PCDH15: variants seen among roughly 807,000 people sequenced by gnomAD.
PCDH15 encodes the protein protocadherin related 15.
PCDH15 carries 129 observed loss-of-function variants against 178.5 expected under a neutral mutation model. The ratio of observed to expected loss-of-function variants is 0.72; its 90% CI spans 0.63 to 0.84. The LOEUF is 0.84. PCDH15 is among the 40% of genes least tolerant of loss of function. PCDH15 has a pLI of 0.00. For synonymous variants in PCDH15, 800 were observed against 732.0 expected (o/e 1.09, Z -1.50); for missense variants, 2,230 against 2,099.9 (o/e 1.06, Z -1.21).
intron 2 of PCDH15, among the ~76,000 whole-genome samples, chr10:55,334,512 G>T (rs1003280308): frequency 2.6e-5 from 4 of 151,430 alleles, no homozygotes; most frequent in African/African-American, 9.7e-5. Context: ...TCTCCATGTT[G>T]GTCAGGCTGG....
At chr10:54,773,552 T>A (rs1232071163) in intron 1 of PCDH15, among the ~76,000 whole-genome samples, 1 of 152,162 alleles carries the variant, frequency 6.6e-6, no homozygotes, top group Non-Finnish European at 1.5e-5. Context: ...ACTTTTGATA[T>A]CACATGGAGA....
At chr10:54,842,160 A>C (rs1044355486) in intron 3 of PCDH15, among the ~76,000 whole-genome samples, 1 of 143,344 alleles carries the variant, frequency 7.0e-6, no homozygotes, top group Admixed American at 7.3e-5. Flanking sequence ...TGAAAAGAGA[A>C]AGGAAAAGTG....
At chr10:55,617,421 T>C (rs1843501790) in intron 2 of PCDH15, among the ~76,000 whole-genome samples, 1 of 152,016 alleles carries the variant, frequency 6.6e-6, no homozygotes, top group Non-Finnish European at 1.5e-5. Context: ...TTGTGAAAGG[T>C]CAATAACATG....
intron 1 of PCDH15, among the ~76,000 whole-genome samples, chr10:54,704,685 G>A (rs1271121547): frequency 6.6e-6 from 1 of 152,074 alleles, no homozygotes; most frequent in Non-Finnish European, 1.5e-5. Flanking sequence ...ACAGATGCCT[G>A]CATGGTTGCA....
intron 1 of PCDH15, among the ~76,000 whole-genome samples, chr10:55,311,600 A>G (rs561379364): frequency 4.9e-4 from 74 of 152,350 alleles, no homozygotes; most frequent in African/African-American, 1.8e-3. Context: ...TAGAATATTC[A>G]TGAAATAGAC....
chr10:55,192,125 G>A (rs1425636123), intron 1 of PCDH15, among the ~76,000 whole-genome samples: 2 of 151,708 alleles, frequency 1.3e-5, no homozygotes, highest in Non-Finnish European at 2.9e-5. Flanking sequence ...ACAAGGCAAT[G>A]TGGAACAGGC....
intron 1 of PCDH15, among the ~76,000 whole-genome samples, chr10:54,797,005 A>C (rs1952095208): frequency 6.6e-6 from 1 of 152,028 alleles, no homozygotes; most frequent in Non-Finnish European, 1.5e-5. Context: ...TGACACCTCC[A>C]TGAAAACAAC....
At chr10:53,884,516 A>C (rs2080956646) in intron 26 of PCDH15, among the ~76,000 whole-genome samples, 1 of 152,322 alleles carries the variant, frequency 6.6e-6, no homozygotes, top group Middle Eastern at 3.4e-3. Flanking sequence ...TGTACTGAGA[A>C]AAGTATGTGG....
intron 3 of PCDH15, among the ~76,000 whole-genome samples, chr10:54,518,615 C>T (rs11527497): frequency 0.24 from 35,724 of 152,002 alleles, 4,448 homozygotes; most frequent in Admixed American, 0.34. Flanking sequence ...GATTCACAGC[C>T]GAATTCTACC....
chr10:54,327,346 C>G (rs1350646520), intron 7 of PCDH15, among the ~76,000 whole-genome samples: 6 of 151,208 alleles, frequency 4.0e-5, no homozygotes, highest in Non-Finnish European at 8.9e-5. Flanking sequence ...TTACTTTTCC[C>G]CATATCTACA....
intron 2 of PCDH15, among the ~76,000 whole-genome samples, chr10:55,502,301 C>G (rs1254861158): frequency 6.6e-6 from 1 of 151,620 alleles, no homozygotes; most frequent in Admixed American, 6.6e-5. Flanking sequence ...TTGACACATG[C>G]TGTTCCATTG....
intron 26 of PCDH15, among the ~76,000 whole-genome samples, chr10:53,884,492 G>A (rs903896147): frequency 2.6e-5 from 4 of 152,060 alleles, no homozygotes; most frequent in South Asian, 4.1e-4. Context: ...TGCAGAGTTC[G>A]CCAAAAAACT....
intron 1 of PCDH15, among the ~76,000 whole-genome samples, chr10:55,281,407 C>T (rs985178845): frequency 4.6e-5 from 7 of 151,354 alleles, no homozygotes; most frequent in African/African-American, 1.7e-4. Context: ...TACCACTATA[C>T]AAATAAAAAC....
At chr10:54,559,757 A>G (rs905021922) in intron 2 of PCDH15, among the ~76,000 whole-genome samples, 1 of 150,668 alleles carries the variant, frequency 6.6e-6, no homozygotes, top group Non-Finnish European at 1.5e-5. Flanking sequence ...TGCTTTAGAC[A>G]GAATTAGCTT....
At chr10:54,657,600 T>G (rs1489645473) in intron 2 of PCDH15, among the ~76,000 whole-genome samples, 1 of 151,990 alleles carries the variant, frequency 6.6e-6, no homozygotes. Context: ...ATACAAAGAT[T>G]ACCCACAATC....
chr10:54,909,081 C>G (rs568406745), intron 2 of PCDH15, among the ~76,000 whole-genome samples: 1 of 152,298 alleles, frequency 6.6e-6, no homozygotes, highest in South Asian at 2.1e-4. Context: ...TCTCCTTGAG[C>G]CTGGCTGAGC....
chr10:54,559,459 C>G (rs1336990019), intron 2 of PCDH15, among the ~76,000 whole-genome samples: 1 of 151,986 alleles, frequency 6.6e-6, no homozygotes, highest in Non-Finnish European at 1.5e-5. Flanking sequence ...GCATCTTCAG[C>G]AAGAACAAGC....
chr10:55,590,758 T>G (rs1842828188), intron 2 of PCDH15, among the ~76,000 whole-genome samples: 1 of 152,172 alleles, frequency 6.6e-6, no homozygotes. Flanking sequence ...TTATACAGCA[T>G]CTGGTCATAT....
At chr10:54,024,404 C>T (rs1305216586) in intron 18 of PCDH15, among the ~76,000 whole-genome samples, 2 of 152,032 alleles carry the variant, frequency 1.3e-5, no homozygotes, top group Non-Finnish European at 2.9e-5. Flanking sequence ...GTCCATAAAG[C>T]GTGGAATGCA....
Sources: allele counts gnomAD v4.1 joint callset (sites outside exome capture counted in the v4.1 genomes callset), GRCh38; gene constraint gnomAD v4.1.1; transcripts MANE v1.5; gene names NCBI Gene and HGNC (gene_info 2026-07-23, HGNC 2026-07-21).